MLKL: variants seen among roughly 807,000 people sequenced by gnomAD.
MLKL encodes mixed lineage kinase domain like pseudokinase, also known as mixed lineage kinase domain-like protein.
In MLKL, 55 loss-of-function variants were observed where a neutral mutation model predicts 56.5. The ratio of observed to expected loss-of-function variants is 0.97; its 90% CI spans 0.78 to 1.22. MLKL has a LOEUF of 1.22. MLKL is among the 50% of genes most tolerant of loss of function. The probability of loss-of-function intolerance (pLI) is 0.00; values close to 1 mark genes in which losing one functional copy is unlikely to be tolerated. For missense variants in MLKL, 694 were observed against 573.9 expected (o/e 1.21, Z -2.14); for synonymous variants, 251 against 208.3 (o/e 1.20, Z -1.76).
At chr16:74,690,254 A>G (rs1319894524) in intron 4 of MLKL, among the ~76,000 whole-genome samples, 1 of 152,256 alleles carries the variant, frequency 6.6e-6, no homozygotes, top group Non-Finnish European at 1.5e-5. Context: ...GAAAGTAATC[A>G]GAAAGCTGGA....
At chr16:74,686,783 A>AG (rs1389860259) in intron 4 of MLKL, among the ~76,000 whole-genome samples, 5 of 152,232 alleles carry the variant, frequency 3.3e-5, no homozygotes, top group Non-Finnish European at 7.3e-5. Context: ...TCAGAGAATC[A>AG]GGGCAGGTTC....
chr16:74,683,824 G>A (rs1339064666), intron 5 of MLKL, among the ~76,000 whole-genome samples: 1 of 152,156 alleles, frequency 6.6e-6, no homozygotes, highest in Non-Finnish European at 1.5e-5. Flanking sequence ...GGCGGGTGAG[G>A]ACTCAGACAA....
rs533275453 is a variant in MLKL, at chr16:74,676,418, A to G, written c.1039-654T>C. The G allele has an allele frequency of 1.9e-5, 19 of 985,478 alleles. 1 individual carries two copies. The South Asian group carries it at 8.5e-4, about 44-fold the overall frequency. 61.0% of individuals were successfully genotyped at this position (985,478 alleles called of 1,614,324 possible). ...CTGCCAGCCCCAAACTCAGCCAGGT[A>G]CCCAAATCTAGGGGCAATGTGAGAA... is the stretch of plus-strand genomic sequence containing the variant. On this transcript the variant is annotated intron_variant, in intron 7 of 10. Transcript: ENST00000308807.
Position 74,672,498 on chromosome 16 carries a change from G to C in MLKL, c.*6C>G, listed in dbSNP as rs768172011. The C allele has an allele frequency of 1.9e-6, 3 of 1,613,054 alleles. No homozygotes were observed. Among genetic ancestry groups the C allele is most frequent in the Non-Finnish European group, 2.5e-6 (3 of 1,179,072 alleles). On this transcript the variant is annotated 3_prime_UTR_variant, in exon 11 of 11. Transcript: ENST00000308807. ...CCAGAGACTCCTTGGTTTAGATTTT[G>C]ATACACTACTTAGAAAAGGTGGAGA...
intron 2 of MLKL, among the ~76,000 whole-genome samples, chr16:74,694,237 T>G (rs1335297919): frequency 6.6e-6 from 1 of 152,234 alleles, no homozygotes; most frequent in African/African-American, 2.4e-5. Context: ...ATCTCAGATT[T>G]TGATAAAGGT....
chr16:74,682,926 G>C, intron 5 of MLKL, 140 bp from the exon 6 acceptor site: 1 of 1,020,174 alleles, frequency 9.8e-7, no homozygotes, highest in Non-Finnish European at 1.4e-6. Flanking sequence ...TCAGCCCACA[G>C]TTTTGGTCCC....
At chr16:74,694,824 C>A (rs1314120955) in intron 2 of MLKL, among the ~76,000 whole-genome samples, 1 of 152,090 alleles carries the variant, frequency 6.6e-6, no homozygotes, top group Non-Finnish European at 1.5e-5. Context: ...CACCAGCCCC[C>A]ACCATATATC....
In MLKL at chr16:74,682,639, AC is replaced by A; in HGVS notation, c.956+11del. The A allele has an allele frequency of 6.2e-7, 1 of 1,613,392 alleles. No individual in the cohort carries two copies. Among genetic ancestry groups the A allele is most frequent in the Non-Finnish European group, 8.5e-7 (1 of 1,179,868 alleles). On this transcript the variant is annotated intron_variant, in intron 6 of 10. Transcript: ENST00000308807. The stretch of plus-strand genomic sequence containing the variant: ...ATCCAACCCTTAGTGGCGCCTTTTC[AC>A]CCCGTCTTACCGGTATAGGCCTCGG...
chr16:74,676,473 C>T, intron 7 of MLKL: 1 of 985,344 alleles, frequency 1.0e-6, no homozygotes, highest in Non-Finnish European at 1.2e-6. Context: ...TGGCTCATCC[C>T]CCTTTCATTC....
chr16:74,675,087 C>T lies in MLKL; in HGVS notation c.1254G>A (p.Glu418=), dbSNP rs1390044776. 3 of 1,614,126 alleles carry T rather than the reference C, an allele frequency of 1.9e-6. No individual in the cohort carries two copies. Among genetic ancestry groups the T allele is most frequent in the South Asian group, 1.1e-5 (1 of 91,078 alleles). ...GDIPFQGCNS[E]KIRKLVAVKR... ...TCACAGCCACCAGCTTGCGGATCTTCTCAGAATTACAGCCTGGAAATGATA... is the reference window on the plus strand; with the variant it reads ...TCACAGCCACCAGCTTGCGGATCTTTTCAGAATTACAGCCTGGAAATGATA... The change falls in exon 10 of 11, where the codon GAG becomes GAA. Residue 418 remains glutamate (E), a synonymous_variant. Coordinates refer to ENST00000308807, the MANE Select transcript of MLKL (RefSeq NM_152649.4).
At chr16:74,688,001 A>G (rs1960438863) in intron 4 of MLKL, among the ~76,000 whole-genome samples, 1 of 151,964 alleles carries the variant, frequency 6.6e-6, no homozygotes, top group Non-Finnish European at 1.5e-5. Context: ...AATTTTTTGT[A>G]TTTTTAGTAG....
intron 4 of MLKL, among the ~76,000 whole-genome samples, chr16:74,686,529 G>C (rs776402364): frequency 6.6e-6 from 1 of 152,038 alleles, no homozygotes; most frequent in African/African-American, 2.4e-5. Flanking sequence ...CTTGCAGTGA[G>C]CCGAGATCAC....
intron 6 of MLKL, among the ~76,000 whole-genome samples, chr16:74,681,305 C>A (rs1356563402): frequency 6.6e-6 from 1 of 151,876 alleles, no homozygotes; most frequent in African/African-American, 2.4e-5. Flanking sequence ...GGATTATGGG[C>A]GTGAGCCACT....
intron 5 of MLKL, among the ~76,000 whole-genome samples, chr16:74,683,593 C>CAAA (rs35511363): frequency 1.6e-5 from 2 of 123,310 alleles, no homozygotes; most frequent in Non-Finnish European, 3.4e-5. Context: ...GACTCTGTCT[C>CAAA]AAAAAAAAAA....
rs1031896523 is a variant in MLKL, at chr16:74,700,832, C to T, written c.-382G>A. The T allele has an allele frequency of 1.3e-5, 2 of 151,194 alleles. No individual in the cohort carries two copies. The highest frequency in any genetic ancestry group is 2.9e-5 in the Non-Finnish European group (2 of 67,898). The allele number at this position is 151,194 out of a possible 1,614,324, so 9.4% of individuals were successfully genotyped here. A position where few individuals can be genotyped will look rare whatever the true frequency, so the allele number is the denominator to read the frequency against. On this transcript the variant is annotated 5_prime_UTR_variant, in exon 1 of 11. Coordinates refer to ENST00000308807, the MANE Select transcript of MLKL (RefSeq NM_152649.4). ...AATGCTGCGACACTTCCCCCTCCGA[C>T]GTGGCTCCAGCTGCCAACCACCAGG... is the stretch of plus-strand genomic sequence containing the variant.
intron 4 of MLKL, among the ~76,000 whole-genome samples, chr16:74,685,850 T>C (rs1300598298): frequency 6.6e-6 from 1 of 152,200 alleles, no homozygotes; most frequent in Non-Finnish European, 1.5e-5. Flanking sequence ...TAGAATTGTA[T>C]TTTTATGACC....
chr16:74,695,064 G>C (rs1271520603), intron 2 of MLKL, among the ~76,000 whole-genome samples: 1 of 152,120 alleles, frequency 6.6e-6, no homozygotes, highest in Admixed American at 6.6e-5. Flanking sequence ...AGTAGAGACG[G>C]GGTTTCACCG....
intron 6 of MLKL, among the ~76,000 whole-genome samples, chr16:74,680,140 G>C (rs994894880): frequency 6.6e-6 from 1 of 152,164 alleles, no homozygotes; most frequent in African/African-American, 2.4e-5. Flanking sequence ...AAGGGCTCCA[G>C]TGCCCACAGG....
intron 4 of MLKL, among the ~76,000 whole-genome samples, chr16:74,690,442 G>A (rs78802348): frequency 6.6e-6 from 1 of 152,126 alleles, no homozygotes; most frequent in Non-Finnish European, 1.5e-5. Context: ...ACTAAGTATG[G>A]CATCTTTTTG....
Sources: allele counts gnomAD v4.1 joint callset (sites outside exome capture counted in the v4.1 genomes callset), GRCh38; gene constraint gnomAD v4.1.1; transcripts MANE v1.5; gene names NCBI Gene and HGNC (gene_info 2026-07-23, HGNC 2026-07-21).